Variants in ABCB5 observed in about 807,000 individuals in gnomAD.
ABCB5 encodes the protein ATP-binding cassette sub-family B member 5.
In ABCB5, 155 loss-of-function variants were observed where a neutral mutation model predicts 144.2. That is an observed-to-expected ratio of 1.08 (90% CI 0.94 to 1.23). The LOEUF is 1.23. Ranked by LOEUF, ABCB5 falls within the 50% of genes most tolerant of loss-of-function variation. The pLI is 0.00. For missense variants in ABCB5, 1,830 were observed against 1,520.8 expected (o/e 1.20, Z -3.38); for synonymous variants, 610 against 528.6 (o/e 1.15, Z -2.11).
intron 27 of ABCB5, among the ~76,000 whole-genome samples, 171 bp from the exon 28 acceptor site, chr7:20,755,256 A>C (rs941495852): frequency 6.6e-6 from 1 of 152,182 alleles, no homozygotes; most frequent in Admixed American, 6.5e-5. Context: ...GCTGTAGTTA[A>C]TATTTCTAGA....
At chr7:20,746,662 T>C (rs1418938431) in intron 26 of ABCB5, among the ~76,000 whole-genome samples, 1 of 152,178 alleles carries the variant, frequency 6.6e-6, no homozygotes, top group African/African-American at 2.4e-5. Context: ...TCAAAAATCT[T>C]GGCTAACTGT....
intron 15 of ABCB5, among the ~76,000 whole-genome samples, chr7:20,681,871 C>T (rs902761471): frequency 1.3e-5 from 2 of 152,088 alleles, no homozygotes; most frequent in Admixed American, 6.6e-5. Context: ...TAATGGGTAC[C>T]TGGTACCTAA....
intron 5 of ABCB5, among the ~76,000 whole-genome samples, chr7:20,632,898 T>C (rs1034930258): frequency 1.3e-5 from 2 of 150,870 alleles, no homozygotes; most frequent in Non-Finnish European, 3.0e-5. Flanking sequence ...CATTGGGAGA[T>C]ATACCTAATG....
intron 23 of ABCB5, among the ~76,000 whole-genome samples, chr7:20,736,470 C>T (rs1242791799): frequency 6.6e-6 from 1 of 152,190 alleles, no homozygotes; most frequent in Non-Finnish European, 1.5e-5. Flanking sequence ...CCCACCTCGG[C>T]CTCCCAAAGT....
intron 5 of ABCB5, among the ~76,000 whole-genome samples, chr7:20,636,433 T>A (rs1784156559): frequency 6.6e-6 from 1 of 152,128 alleles, no homozygotes; most frequent in South Asian, 2.1e-4. Flanking sequence ...ATACTTACCT[T>A]TTATAGTACT....
At chr7:20,722,592 G>A (rs1483679496) in intron 20 of ABCB5, among the ~76,000 whole-genome samples, 1 of 152,158 alleles carries the variant, frequency 6.6e-6, no homozygotes, top group Admixed American at 6.6e-5. Context: ...TTTTGAGGCA[G>A]GCAGATCACC....
chr7:20,702,688 G>T (rs1786670477), intron 19 of ABCB5, among the ~76,000 whole-genome samples: 1 of 128,516 alleles, frequency 7.8e-6, no homozygotes, highest in South Asian at 2.4e-4. Context: ...CTGAGACACA[G>T]TCTCGCTCTG....
At chr7:20,723,652 A>T (rs1201529764) in intron 21 of ABCB5, among the ~76,000 whole-genome samples, 1 of 152,252 alleles carries the variant, frequency 6.6e-6, no homozygotes, top group Non-Finnish European at 1.5e-5. Flanking sequence ...GAAGACAGTA[A>T]GCACGTACTA....
intron 14 of ABCB5, chr7:20,660,207 A>G (rs1189417355): frequency 1.0e-6 from 1 of 984,474 alleles, no homozygotes; most frequent in Non-Finnish European, 1.2e-6. Flanking sequence ...AGAAGAATGC[A>G]GAATGTTTGT....
chr7:20,647,582 C>G lies in ABCB5; in HGVS notation c.1029C>G (p.Val343=). The stretch of plus-strand genomic sequence containing the variant: ...GCAGTTATTGCATTGGAGCAGCAGT[C>G]CCTCACTTTGAAACCTTCGCAATAG... ...IHSSYCIGAA[V]PHFETFAIAR... Residue 343 remains valine, a synonymous_variant, in exon 10 of 28, where the codon GTC becomes GTG. Coordinates refer to ENST00000404938, the MANE Select transcript of ABCB5 (RefSeq NM_001163941.2). 6.3e-7 allele frequency: 1 copy of G among 1,590,380 alleles called. No homozygotes were observed. Among genetic ancestry groups the G allele is most frequent in the Non-Finnish European group, 8.6e-7 (1 of 1,167,136 alleles).
At position 20,648,010 on chromosome 7, in the gene ABCB5, G is replaced by T. The variant is rs1264008685; in HGVS notation, c.1138G>T (p.Glu380Ter). The T allele has an allele frequency of 2.5e-6, 4 of 1,611,782 alleles. No individual in the cohort carries two copies. The highest frequency in any genetic ancestry group is 2.5e-6 in the Non-Finnish European group (3 of 1,178,326). The stretch of plus-strand genomic sequence containing the variant: ...CTTTTCCACAGCTGGATATAAACCT[G>T]AATCCATAGAAGGAACTGTGGAATT... ...DNFSTAGYKP[E>*]SIEGTVEFKN... is the part of the protein sequence containing the mutation. The change falls in exon 11 of 28, where the codon GAA (glutamate) becomes TAA (stop). Residue 380 changes from glutamate to a stop codon, truncating the protein, a stop_gained. Coordinates refer to ENST00000404938, the MANE Select transcript of ABCB5 (RefSeq NM_001163941.2). LOFTEE classifies it high-confidence loss of function.
chr7:20,699,828 T>A lies in ABCB5; in HGVS notation c.2158T>A (p.Phe720Ile). 1 of 1,593,762 alleles carries A rather than the reference T, an allele frequency of 6.3e-7. No homozygotes were observed. ...ATAAAAATCTGTTCCTTTTCAGATG[T>A]TTGGAAATAATGATAAAACCACATT... ...SIIFAKIITM[F>I]GNNDKTTLKH... Residue 720 changes from phenylalanine (F) to isoleucine (I), a missense_variant, in exon 18 of 28, where the codon TTT becomes ATT. Transcript: ENST00000404938.
chr7:20,752,186 T>G (rs1782952076), intron 26 of ABCB5, among the ~76,000 whole-genome samples: 1 of 152,228 alleles, frequency 6.6e-6, no homozygotes, highest in Non-Finnish European at 1.5e-5. Context: ...TTTCTGGCTA[T>G]ACCCTTGGAC....
chr7:20,661,982 G>C (rs1007908353), intron 14 of ABCB5, among the ~76,000 whole-genome samples: 10 of 152,172 alleles, frequency 6.6e-5, no homozygotes, highest in Non-Finnish European at 8.8e-5. Flanking sequence ...GTTTTGACCT[G>C]GTGTGCCAAT....
intron 14 of ABCB5, among the ~76,000 whole-genome samples, chr7:20,672,553 G>A (rs1785482049): frequency 6.6e-6 from 1 of 151,762 alleles, no homozygotes; most frequent in Non-Finnish European, 1.5e-5. Context: ...CATGTATCCA[G>A]GAACTTAAAG....
At chr7:20,718,981 C>A (rs898446763) in intron 20 of ABCB5, among the ~76,000 whole-genome samples, 2 of 151,894 alleles carry the variant, frequency 1.3e-5, no homozygotes, top group Non-Finnish European at 2.9e-5. Context: ...CGAAAGCAAC[C>A]CAAATTGAAG....
At position 20,671,561 on chromosome 7, in the gene ABCB5, A is replaced by G. The variant is rs117517431; in HGVS notation, c.1708-9944A>G. On this transcript the variant is annotated intron_variant, in intron 14 of 27. Coordinates refer to ENST00000404938, the MANE Select transcript of ABCB5 (RefSeq NM_001163941.2). ...ATTTTCTAGAACTTTATATAAAGGG[A>G]GCAATATCATATGTATTCTGTTAGG... 4.5e-3 allele frequency among the ~76,000 whole-genome samples: 687 copies of G among 152,312 alleles called. 1 individual carries two copies. Among genetic ancestry groups the G allele is most frequent in the Non-Finnish European group, 7.3e-3 (497 of 68,030 alleles).
At chr7:20,680,976 T>C (rs1785776679) in intron 14 of ABCB5, among the ~76,000 whole-genome samples, 1 of 16,234 alleles carries the variant, frequency 6.2e-5, no homozygotes, top group East Asian at 0.018. Context: ...TTCTTTTTCT[T>C]TCTTTCTTTC....
At chr7:20,669,977 C>G (rs1785411411) in intron 14 of ABCB5, among the ~76,000 whole-genome samples, 1 of 152,194 alleles carries the variant, frequency 6.6e-6, no homozygotes, top group Non-Finnish European at 1.5e-5. Context: ...GGAGTGGTAT[C>G]AGCATAGGCT....
Sources: gnomAD v4.1 joint callset for allele counts (sites outside exome capture counted in the v4.1 genomes callset) on GRCh38, gnomAD v4.1.1 for gene constraint, MANE v1.5 for transcripts, NCBI Gene and HGNC (gene_info 2026-07-23, HGNC 2026-07-21) for gene names.